Variants in NTRK3 observed in about 807,000 individuals in gnomAD.
NTRK3 encodes NT-3 growth factor receptor.
A neutral mutation model predicts 91.7 loss-of-function variants in NTRK3; 24 were observed. The observed-to-expected ratio is 0.26, with a 90% CI of 0.19 to 0.37. The LOEUF (loss-of-function observed/expected upper bound fraction) is 0.37, where lower values mean the gene tolerates loss of function less well. Ranked by LOEUF, NTRK3 falls within the 10% of genes least tolerant of loss-of-function variation. NTRK3 has a pLI of 1.00. For missense variants in NTRK3, 880 were observed against 1,068.9 expected (o/e 0.82, Z 2.46); for synonymous variants, 483 against 404.0 (o/e 1.20, Z -2.34).
intron 3 of NTRK3, among the ~76,000 whole-genome samples, chr15:88,223,172 C>A (rs1004867246): frequency 7.2e-5 from 11 of 152,246 alleles, no homozygotes; most frequent in African/African-American, 2.4e-4. Context: ...ACACCCCCAG[C>A]ACACGGCCCC....
chr15:87,914,149 C>T (rs187093800), intron 17 of NTRK3, among the ~76,000 whole-genome samples: 8 of 152,308 alleles, frequency 5.3e-5, no homozygotes, highest in Admixed American at 3.3e-4. Flanking sequence ...GCAACTTTCA[C>T]ATTATGATCC....
At chr15:87,916,630 T>G in intron 17 of NTRK3, 1 of 699,310 alleles carries the variant, frequency 1.4e-6, no homozygotes, top group Admixed American at 2.0e-5. Context: ...AGGAGATAAC[T>G]AGAAACCACC....
chr15:88,186,839 C>T (rs193130418), intron 3 of NTRK3, among the ~76,000 whole-genome samples: 10 of 152,234 alleles, frequency 6.6e-5, no homozygotes, highest in Admixed American at 4.6e-4. Flanking sequence ...AAACAGTTGT[C>T]GACTCCTGCC....
intron 13 of NTRK3, among the ~76,000 whole-genome samples, chr15:88,110,889 A>AG (rs1319609242): frequency 1.3e-5 from 2 of 152,166 alleles, no homozygotes; most frequent in Admixed American, 1.3e-4. Context: ...CACACACTGA[A>AG]GGGGCCAGGT....
At chr15:87,895,676 T>TGC (rs1567080383) in intron 17 of NTRK3, among the ~76,000 whole-genome samples, 3 of 151,510 alleles carry the variant, frequency 2.0e-5, no homozygotes, top group Non-Finnish European at 1.5e-5. Context: ...CCAGGCACCC[T>TGC]TTTAGGTCTG....
chr15:88,247,952 C>A (rs1159027806), intron 3 of NTRK3, among the ~76,000 whole-genome samples: 1 of 152,152 alleles, frequency 6.6e-6, no homozygotes, highest in Non-Finnish European at 1.5e-5. Context: ...AGCTGCCCAG[C>A]GCTTTAGACA....
At chr15:88,031,055 C>T (rs928750778) in intron 14 of NTRK3, among the ~76,000 whole-genome samples, 2 of 152,136 alleles carry the variant, frequency 1.3e-5, no homozygotes, top group Non-Finnish European at 2.9e-5. Flanking sequence ...AAGCTTTGCT[C>T]AGGAAGAGTG....
intron 3 of NTRK3, among the ~76,000 whole-genome samples, chr15:88,225,734 C>A (rs1343230752): frequency 6.6e-6 from 1 of 152,276 alleles, no homozygotes; most frequent in Non-Finnish European, 1.5e-5. Context: ...CCATGCAGAC[C>A]AGATCCAAAA....
chr15:88,104,067 C>T (rs1228645280), intron 13 of NTRK3, among the ~76,000 whole-genome samples: 2 of 152,224 alleles, frequency 1.3e-5, no homozygotes, highest in African/African-American at 2.4e-5. Context: ...TGGAAGAAGA[C>T]ATCTGCTTTG....
intron 17 of NTRK3, among the ~76,000 whole-genome samples, chr15:87,886,294 C>A (rs1596086343): frequency 6.6e-6 from 1 of 152,034 alleles, no homozygotes; most frequent in South Asian, 2.1e-4. Context: ...TTGAACCCAG[C>A]AATTTCACCT....
rs780820675 is a variant in NTRK3, at chr15:88,033,042, G to T, written c.1400C>A (p.Pro467His). ...CTCCTCACCACTGATGACAGCCACG[G>T]GACCTGCACACACCAAGAGAGACGC... is the stretch of plus-strand genomic sequence containing the variant. The change falls in exon 14 of 19, where the codon CCC (proline) becomes CAC (histidine). Residue 467 changes from proline to histidine, a missense_variant. Coordinates refer to ENST00000394480, the Ensembl canonical transcript of NTRK3. 8 of 1,578,520 alleles carry T rather than the reference G, an allele frequency of 5.1e-6. No individual in the cohort carries two copies. In the Admixed American group the frequency reaches 9.2e-5, roughly 18 times the overall value.
rs1484111389 is a variant in NTRK3, at chr15:87,912,931, A to AAAATATATATAT, written c.2133+16259_2133+16260insATATATATATTT. ...TTCAACTTTTCAAAAAGTAAAAAAA[A>AAAATATATATAT]ATATATATATATATATATATATATA... On this transcript the variant is annotated intron_variant, in intron 17 of 18. Transcript: ENST00000394480. Among the ~76,000 whole-genome samples, 58 of 36,422 alleles carry AAAATATATATAT rather than the reference A, an allele frequency of 1.6e-3. 1 individual carries two copies. The highest frequency in any genetic ancestry group is 5.6e-3 in the East Asian group (7 of 1,250). The allele number at this position is 36,422 out of a possible 152,430, so 23.9% of individuals were successfully genotyped here. A position where few individuals can be genotyped will look rare whatever the true frequency, so the allele number is the denominator to read the frequency against.
At chr15:88,060,060 G>A (rs950981708) in intron 13 of NTRK3, among the ~76,000 whole-genome samples, 1 of 152,282 alleles carries the variant, frequency 6.6e-6, no homozygotes, top group East Asian at 1.9e-4. Context: ...TCCTCACGGA[G>A]GTGACATCTT....
At chr15:87,987,512 T>G (rs186947032) in intron 14 of NTRK3, among the ~76,000 whole-genome samples, 28 of 151,132 alleles carry the variant, frequency 1.9e-4, no homozygotes, top group African/African-American at 6.9e-4. Flanking sequence ...CATAGATATA[T>G]ATAGATAGAT....
chr15:88,148,640 G>A (rs770558765), intron 5 of NTRK3, among the ~76,000 whole-genome samples: 2 of 152,166 alleles, frequency 1.3e-5, no homozygotes, highest in South Asian at 2.1e-4. Flanking sequence ...AGGCATTCAC[G>A]CCACACTTGC....
At chr15:88,144,284 C>G (rs1433455337) in intron 6 of NTRK3, 1 of 152,162 alleles carries the variant, frequency 6.6e-6, no homozygotes, top group African/African-American at 2.4e-5. Context: ...ATGGAAGATG[C>G]GAAGATGCTT....
chr15:87,989,247 C>A (rs958792112), intron 14 of NTRK3, among the ~76,000 whole-genome samples: 46 of 152,180 alleles, frequency 3.0e-4, no homozygotes, highest in African/African-American at 1.0e-3. Context: ...AGACTTGGAA[C>A]CAACCCAAAT....
chr15:88,141,757 A>C lies in NTRK3; in HGVS notation c.465-4196T>G, dbSNP rs181889212. The stretch of plus-strand genomic sequence containing the variant: ...TGGCCCCCCAAAGGCAGACAGCATG[A>C]GAATGTCCTGAGGCTGGCCAGAGAA... On this transcript the variant is annotated intron_variant, in intron 6 of 18. Coordinates refer to ENST00000394480, the Ensembl canonical transcript of NTRK3. 3.3e-5 allele frequency among the ~76,000 whole-genome samples: 5 copies of C among 152,336 alleles called. No homozygotes were observed. The East Asian group carries it at 9.7e-4, about 29-fold the overall frequency.
Position 88,255,927 on chromosome 15 carries a change from A to G in NTRK3, c.227T>C (p.Ile76Thr), listed in dbSNP as rs2054014854. 6 of 1,612,374 alleles carry G rather than the reference A, an allele frequency of 3.7e-6. No homozygotes were observed. Among genetic ancestry groups the G allele is most frequent in the Non-Finnish European group, 4.2e-6 (5 of 1,179,012 alleles). Reference sequence around the variant, plus strand: ...TTACATGGAAGTGATATTCCTTGAGATGTCCGTGATGTTGATACTGGCGTT... The same window carrying G: ...TTACATGGAAGTGATATTCCTTGAGGTGTCCGTGATGTTGATACTGGCGTT... Residue 76 changes from isoleucine to threonine, a missense_variant, in exon 3 of 19, where the codon ATC becomes ACC. Ile to Thr is a moderately conservative substitution (Grantham distance 89, BLOSUM62 -1). Transcript: ENST00000394480. This position sits in a 1 kb window ranked among gnomAD's most constrained non-coding sequence, Gnocchi z 4.3.
Sources: gnomAD v4.1 joint callset for allele counts (sites outside exome capture counted in the v4.1 genomes callset) on GRCh38, gnomAD v4.1.1 for gene constraint, Gnocchi (gnomAD v3.1) non-coding constraint, MANE v1.5 for transcripts, NCBI Gene and HGNC (gene_info 2026-07-23, HGNC 2026-07-21) for gene names.